The following NSMCE4A variants were observed in gnomAD, a reference collection of about 807,000 sequenced individuals.
The protein encoded by NSMCE4A is non-structural maintenance of chromosomes element 4 homolog A.
In NSMCE4A, 40 loss-of-function variants were observed where a neutral mutation model predicts 47.9. The observed-to-expected ratio is 0.83, with a 90% CI of 0.65 to 1.09. The LOEUF is 1.09. NSMCE4A is among the 50% of genes least tolerant of loss of function. The pLI is 0.00. For missense variants in NSMCE4A, 500 were observed against 507.0 expected (o/e 0.99, Z 0.13); for synonymous variants, 166 against 178.5 (o/e 0.93, Z 0.56).
rs1952588667 is a variant in NSMCE4A at position 121,965,390 on chromosome 10, T to C, written c.654-5A>G. Reference sequence around the variant, plus strand: ...TCTCCGTATATTGAACCCAACCTAATGAAAAGTATGCTTTCATTTATTTTT... The same window carrying C: ...TCTCCGTATATTGAACCCAACCTAACGAAAAGTATGCTTTCATTTATTTTT... On this transcript the variant is annotated splice_region_variant and splice_polypyrimidine_tract_variant and intron_variant, in intron 4 of 10. Coordinates refer to ENST00000369023, the MANE Select transcript of NSMCE4A (RefSeq NM_017615.3). 1.9e-6 allele frequency: 3 copies of C among 1,595,992 alleles called. No homozygotes were observed. The highest frequency in any genetic ancestry group is 2.6e-6 in the Non-Finnish European group (3 of 1,170,360).
chr10:121,957,449 T>C (rs1269054896), intron 10 of NSMCE4A, among the ~76,000 whole-genome samples, 190 bp from the exon 11 acceptor site: 19 of 54,092 alleles, frequency 3.5e-4, no homozygotes, highest in African/African-American at 1.0e-3. Flanking sequence ...TTTTTTTTTT[T>C]TGAGACAGAG....
Position 121,960,171 on chromosome 10 carries a change from T to C in NSMCE4A, c.988+187A>G. 1 of 429,906 alleles carries C rather than the reference T, an allele frequency of 2.3e-6. No homozygotes were observed. The highest frequency in any genetic ancestry group is 3.7e-5 in the East Asian group (1 of 27,120). 26.6% of individuals were successfully genotyped at this position (429,906 alleles called of 1,614,324 possible). A position where few individuals can be genotyped will look rare whatever the true frequency, so the allele number is the denominator to read the frequency against. ...TTTACAGCAGATGTTGAATCAATGA[T>C]ATAGATGAATCCATCAAAATTTTAG... On this transcript the variant is annotated intron_variant, in intron 8 of 10. Transcript: ENST00000369023. The surrounding 1 kb of genome is among the most constrained non-coding windows in gnomAD (Gnocchi z 4.2).
chr10:121,957,266 A>C lies in NSMCE4A; in HGVS notation c.*13-7T>G, dbSNP rs1952409888. 6.6e-6 allele frequency: 1 copy of C among 152,638 alleles called. No homozygotes were observed. The highest frequency in any genetic ancestry group is 6.5e-5 in the Admixed American group (1 of 15,280). The allele number at this position is 152,638 out of a possible 1,614,324, so 9.5% of individuals were successfully genotyped here. A position where few individuals can be genotyped will look rare whatever the true frequency, so the allele number is the denominator to read the frequency against. On this transcript the variant is annotated splice_polypyrimidine_tract_variant and splice_region_variant and intron_variant, in intron 10 of 10. Coordinates refer to ENST00000369023, the MANE Select transcript of NSMCE4A (RefSeq NM_017615.3). ...TTCACTATCCATTTGAGTCCTAAAA[A>C]GGGGAAGAATAGCTGGTTAACAGTT...
chr10:121,963,236 A>G lies in NSMCE4A; in HGVS notation c.844+2T>C. The G allele has an allele frequency of 6.3e-7, 1 of 1,590,222 alleles. No homozygotes were observed. On this transcript the variant is annotated splice_donor_variant, in intron 6 of 10. Transcript: ENST00000369023. LOFTEE classifies it high-confidence loss of function. Reference sequence around the variant, plus strand: ...CTCCACTTTGAATGGTGTTACACTTACGATCTTCTCGAAAATATGTCTGCA... The same window carrying G: ...CTCCACTTTGAATGGTGTTACACTTGCGATCTTCTCGAAAATATGTCTGCA...
chr10:121,970,752 C>T (rs201953840), intron 3 of NSMCE4A, among the ~76,000 whole-genome samples, 187 bp downstream of exon 3: 3 of 152,242 alleles, frequency 2.0e-5, no homozygotes, highest in East Asian at 1.9e-4. Context: ...TTACTCCAAG[C>T]CCCCACCCAA....
intron 2 of NSMCE4A, 28 bp downstream of exon 2, chr10:121,973,976 C>G: frequency 3.4e-6 from 5 of 1,469,188 alleles, no homozygotes; most frequent in Non-Finnish European, 4.7e-6. Context: ...TCATAAAACA[C>G]GAAATAACAT....
intron 6 of NSMCE4A, chr10:121,962,123 AAAAAT>A (rs1386320955): frequency 5.0e-6 from 2 of 399,888 alleles, no homozygotes; most frequent in African/African-American, 2.2e-5. Context: ...AAAAAAAAAA[AAAAAT>A]AGGAACTTGG....
intron 3 of NSMCE4A, among the ~76,000 whole-genome samples, chr10:121,969,232 G>A (rs1001927138): frequency 6.6e-6 from 1 of 152,246 alleles, no homozygotes; most frequent in African/African-American, 2.4e-5. Context: ...CTTCTTGGGA[G>A]GCTGAGGCAG....
intron 3 of NSMCE4A, among the ~76,000 whole-genome samples, chr10:121,969,817 G>C (rs1437624460): frequency 6.6e-6 from 1 of 152,148 alleles, no homozygotes; most frequent in African/African-American, 2.4e-5. Flanking sequence ...CTGGGTTCAA[G>C]GGATTATCCT....
In NSMCE4A at chr10:121,960,057, A is replaced by T. The variant is rs1952470605; in HGVS notation, c.988+301T>A. 2 of 292,796 alleles carry T rather than the reference A, an allele frequency of 6.8e-6. No individual in the cohort carries two copies. The highest frequency in any genetic ancestry group is 1.2e-5 in the Non-Finnish European group (2 of 161,712). 18.1% of individuals were successfully genotyped at this position (292,796 alleles called of 1,614,324 possible). Reference sequence around the variant, plus strand: ...AGGTGCCGGCATCTGACAAAACGTGATTAGAAAGAGGGATACTACAAAAAT... The same window carrying T: ...AGGTGCCGGCATCTGACAAAACGTGTTTAGAAAGAGGGATACTACAAAAAT... On this transcript the variant is annotated intron_variant, in intron 8 of 10. Coordinates refer to ENST00000369023, the MANE Select transcript of NSMCE4A (RefSeq NM_017615.3). This position sits in a 1 kb window ranked among gnomAD's most constrained non-coding sequence, Gnocchi z 4.2.
intron 2 of NSMCE4A, 79 bp downstream of exon 2, chr10:121,973,923 TTA>T: frequency 1.0e-6 from 1 of 960,690 alleles, no homozygotes; most frequent in Non-Finnish European, 1.6e-6. Context: ...GGGAATTGTT[TTA>T]TGTCAATAAT....
intron 10 of NSMCE4A, 29 bp downstream of exon 10, chr10:121,959,294 AC>A (rs1242634138): frequency 6.4e-7 from 1 of 1,567,054 alleles, no homozygotes; most frequent in East Asian, 2.2e-5. Flanking sequence ...CTTTAATAGA[AC>A]TGTGTAGCCA....
intron 8 of NSMCE4A, chr10:121,959,941 C>T: frequency 3.0e-6 from 1 of 338,928 alleles, no homozygotes; most frequent in South Asian, 3.8e-5. Flanking sequence ...TATTCACTCT[C>T]CACAGGAGAC....
At chr10:121,967,078 C>G (rs936023491) in intron 4 of NSMCE4A, 1 of 152,202 alleles carries the variant, frequency 6.6e-6, no homozygotes, top group African/African-American at 2.4e-5. Flanking sequence ...AGATGATAAA[C>G]CCAGAGTCTC....
chr10:121,964,057 C>T (rs11200289), intron 5 of NSMCE4A, among the ~76,000 whole-genome samples: 177 of 144,956 alleles, frequency 1.2e-3, no homozygotes, highest in African/African-American at 4.3e-3. Context: ...GATCGCGCCA[C>T]TGCACTCCAG....
At chr10:121,957,736 T>C (rs1226219185) in intron 10 of NSMCE4A, among the ~76,000 whole-genome samples, 2 of 151,872 alleles carry the variant, frequency 1.3e-5, no homozygotes, top group African/African-American at 2.4e-5. Context: ...GCCCGGCCTA[T>C]TCCCTTCATT....
At position 121,974,809 on chromosome 10, in the gene NSMCE4A, G is replaced by A. The variant is rs1375349007; in HGVS notation, c.292+65C>T. The A allele has an allele frequency of 1.8e-5, 22 of 1,240,470 alleles. No homozygotes were observed. In the Admixed American group the frequency reaches 5.2e-4, roughly 29 times the overall value. 76.8% of individuals were successfully genotyped at this position (1,240,470 alleles called of 1,614,324 possible). A position where few individuals can be genotyped will look rare whatever the true frequency, so the allele number is the denominator to read the frequency against. On this transcript the variant is annotated intron_variant, in intron 1 of 10. Coordinates refer to ENST00000369023, the MANE Select transcript of NSMCE4A (RefSeq NM_017615.3). ...CACCTGCCTCCGGTGCCCTCCCCCC[G>A]CGCCCGGCGCAGGGCGGGGACAGCG...
At chr10:121,963,472 C>T (rs1382864032) in intron 5 of NSMCE4A, 144 bp from the exon 6 acceptor site, 2 of 598,894 alleles carry the variant, frequency 3.3e-6, no homozygotes, top group African/African-American at 3.7e-5. Flanking sequence ...GCTTTGCCAC[C>T]CAGGCTAGAG....
intron 6 of NSMCE4A, 165 bp from the exon 7 acceptor site, chr10:121,961,682 TG>T (rs1373327360): frequency 1.4e-5 from 7 of 503,674 alleles, no homozygotes; most frequent in Non-Finnish European, 2.1e-5. Flanking sequence ...ACTAAAAACA[TG>T]TATGCCCACT....
Sources: gnomAD v4.1 joint callset for allele counts (sites outside exome capture counted in the v4.1 genomes callset) on GRCh38, gnomAD v4.1.1 for gene constraint, Gnocchi (gnomAD v3.1) non-coding constraint, MANE v1.5 for transcripts, NCBI Gene and HGNC (gene_info 2026-07-23, HGNC 2026-07-21) for gene names.